DCC: variants seen among roughly 807,000 people sequenced by gnomAD.
DCC encodes DCC netrin 1 receptor.
DCC carries 58 observed loss-of-function variants against 172.5 expected under a neutral mutation model. The observed-to-expected ratio is 0.34, with a 90% CI of 0.27 to 0.42. DCC has a LOEUF of 0.42. DCC is among the 10% of genes least tolerant of loss of function. The pLI is 1.00. For missense variants in DCC, 1,740 were observed against 1,791.0 expected, an observed-to-expected ratio of 0.97 and a Z score of 0.51; for synonymous variants, 709 against 644.5, an observed-to-expected ratio of 1.10 and a Z score of -1.52.
At chr18:52,842,872 G>C (rs1430895755) in intron 2 of DCC, among the ~76,000 whole-genome samples, 3 of 152,136 alleles carry the variant, frequency 2.0e-5, no homozygotes, top group Non-Finnish European at 4.4e-5. Context: ...GTAATTCCTA[G>C]GTTTTTGTCT....
In DCC at chr18:53,351,291, GTATATA is replaced by G. The variant is rs147758557; in HGVS notation, c.2359+11403_2359+11408del. The stretch of plus-strand genomic sequence containing the variant: ...AGAAAAGATCTTCTCATTGAGTACA[GTATATA>G]TATATATATATATATATACACTGTA... On this transcript the variant is annotated intron_variant, in intron 15 of 28. Coordinates refer to ENST00000442544, the MANE Select transcript of DCC (RefSeq NM_005215.4). 6.1e-4 allele frequency among the ~76,000 whole-genome samples: 21 copies of G among 34,452 alleles called. 2 individuals are homozygous for G. The highest frequency in any genetic ancestry group is 5.7e-3 in the East Asian group (9 of 1,584). 22.6% of individuals were successfully genotyped at this position (34,452 alleles called of 152,430 possible).
intron 2 of DCC, chr18:52,816,767 T>A (rs114858780): frequency 6.6e-5 from 10 of 152,160 alleles, no homozygotes; most frequent in Non-Finnish European, 1.3e-4. Flanking sequence ...AACTCACTTA[T>A]ATTTCCTGAA....
chr18:52,939,463 T>C (rs2040428478), intron 5 of DCC, among the ~76,000 whole-genome samples: 1 of 152,290 alleles, frequency 6.6e-6, no homozygotes, highest in Admixed American at 6.5e-5. Context: ...CCCACTGGAG[T>C]GAAGTCCTTA....
chr18:52,556,613 C>T (rs1403851343), intron 1 of DCC, among the ~76,000 whole-genome samples: 3 of 152,094 alleles, frequency 2.0e-5, no homozygotes, highest in Non-Finnish European at 1.5e-5. Flanking sequence ...AATCTCACCC[C>T]TGGATGGAAA....
intron 1 of DCC, among the ~76,000 whole-genome samples, chr18:52,536,494 A>G (rs1026178388): frequency 6.6e-6 from 1 of 152,166 alleles, no homozygotes; most frequent in South Asian, 2.1e-4. Context: ...AGCAAGACAC[A>G]GTTTTATCAG....
chr18:53,416,459 T>TTA, intron 21 of DCC: 2 of 511,646 alleles, frequency 3.9e-6, no homozygotes, highest in South Asian at 4.0e-5. Flanking sequence ...ATAATTCACA[T>TTA]TAAGTATAAT....
chr18:53,013,608 AGAT>A (rs2041763178), intron 5 of DCC, among the ~76,000 whole-genome samples: 1 of 151,706 alleles, frequency 6.6e-6, no homozygotes, highest in Non-Finnish European at 1.5e-5. Context: ...CTTAAATCCT[AGAT>A]GATGGGTTGA....
intron 24 of DCC, among the ~76,000 whole-genome samples, chr18:53,462,574 T>A (rs965644477): frequency 3.9e-5 from 6 of 151,968 alleles, no homozygotes; most frequent in African/African-American, 1.2e-4. Flanking sequence ...TATTACAATG[T>A]AATAATAATA....
At chr18:52,765,845 A>T (rs1400335748) in intron 2 of DCC, among the ~76,000 whole-genome samples, 1 of 152,160 alleles carries the variant, frequency 6.6e-6, no homozygotes, top group Non-Finnish European at 1.5e-5. Context: ...ACTTGGGACA[A>T]CCATGGAAAC....
chr18:53,248,672 G>T (rs1339295409), intron 12 of DCC, among the ~76,000 whole-genome samples: 1 of 151,970 alleles, frequency 6.6e-6, no homozygotes, highest in Non-Finnish European at 1.5e-5. Context: ...TAAACACTTT[G>T]TTTTTTAATG....
chr18:52,777,396 G>T (rs1008121852), intron 2 of DCC, among the ~76,000 whole-genome samples: 1 of 152,104 alleles, frequency 6.6e-6, no homozygotes, highest in Non-Finnish European at 1.5e-5. Context: ...TCCAATCTCA[G>T]TCTCCATAAT....
intron 7 of DCC, among the ~76,000 whole-genome samples, chr18:53,075,662 G>C (rs890421469): frequency 1.4e-4 from 21 of 151,312 alleles, no homozygotes; most frequent in African/African-American, 4.4e-4. Flanking sequence ...TCTTTCACCT[G>C]TATATCACCA....
chr18:53,230,345 T>G (rs899072470), intron 12 of DCC, among the ~76,000 whole-genome samples: 4 of 152,052 alleles, frequency 2.6e-5, no homozygotes, highest in Non-Finnish European at 5.9e-5. Context: ...TATAAATAAT[T>G]TCATTAGTGA....
intron 1 of DCC, among the ~76,000 whole-genome samples, chr18:52,743,478 A>G (rs1368826279): frequency 1.3e-5 from 2 of 152,154 alleles, no homozygotes; most frequent in Non-Finnish European, 2.9e-5. Context: ...ATTTCATTAC[A>G]ATTTTCCTGG....
intron 1 of DCC, among the ~76,000 whole-genome samples, chr18:52,441,543 CT>C (rs1406044309): frequency 6.6e-6 from 1 of 152,144 alleles, no homozygotes; most frequent in Non-Finnish European, 1.5e-5. Flanking sequence ...GAACATTCCT[CT>C]GCCTTTTCTC....
intron 1 of DCC, among the ~76,000 whole-genome samples, chr18:52,691,097 T>G (rs970480201): frequency 6.6e-6 from 1 of 152,168 alleles, no homozygotes; most frequent in Admixed American, 6.5e-5. Context: ...GCTAGTACAC[T>G]CATTCCCTGT....
intron 21 of DCC, among the ~76,000 whole-genome samples, chr18:53,421,473 C>A (rs930512015): frequency 1.3e-5 from 2 of 152,138 alleles, no homozygotes; most frequent in African/African-American, 4.8e-5. Context: ...AGAGAAGAGG[C>A]CTACGTACAT....
chr18:53,244,690 A>G (rs774246859), intron 12 of DCC, among the ~76,000 whole-genome samples: 4 of 152,068 alleles, frequency 2.6e-5, no homozygotes, highest in Non-Finnish European at 4.4e-5. Context: ...ACTTCTCACA[A>G]TATGGCAGCT....
chr18:52,617,423 G>A (rs574426261), intron 1 of DCC, among the ~76,000 whole-genome samples: 4 of 152,172 alleles, frequency 2.6e-5, no homozygotes, highest in East Asian at 1.9e-4. Flanking sequence ...TAGGGGCTTC[G>A]TCATCCAGAA....
Sources: allele counts gnomAD v4.1 joint callset (sites outside exome capture counted in the v4.1 genomes callset), GRCh38; gene constraint gnomAD v4.1.1; transcripts MANE v1.5; gene names NCBI Gene and HGNC (gene_info 2026-07-23, HGNC 2026-07-21).